The following EIF4G3 variants were observed in gnomAD, a reference collection of about 807,000 sequenced individuals.
EIF4G3 encodes eukaryotic translation initiation factor 4 gamma 3.
In EIF4G3, 34 loss-of-function variants were observed where a neutral mutation model predicts 186.4. The ratio of observed to expected loss-of-function variants is 0.18; its 90% CI spans 0.14 to 0.24. The LOEUF (loss-of-function observed/expected upper bound fraction) is 0.24, where lower values mean the gene tolerates loss of function less well. Ranked by LOEUF, EIF4G3 falls within the 10% of genes least tolerant of loss-of-function variation. The pLI, the probability that EIF4G3 is intolerant of heterozygous loss-of-function variation, is 1.00. For missense variants in EIF4G3, 1,536 were observed against 1,948.5 expected (o/e 0.79, Z 3.99); for synonymous variants, 673 against 679.5 (o/e 0.99, Z 0.15).
rs150743136 is a variant in EIF4G3 at position 21,133,385 on chromosome 1, C to T, written c.-272+42790G>A. On this transcript the variant is annotated intron_variant, in intron 2 of 36. Transcript: ENST00000602326. ...GACTACAGGCGTGTGCCACCACGCC[C>T]GGCTAATTTTTGTATTTTTTTAGTA... 5.2e-3 allele frequency among the ~76,000 whole-genome samples: 795 copies of T among 152,206 alleles called. 7 individuals carry two copies. Among genetic ancestry groups the T allele is most frequent in the African/African-American group, 0.018 (747 of 41,544 alleles).
intron 4 of EIF4G3, among the ~76,000 whole-genome samples, chr1:21,026,874 T>C (rs2092178932): frequency 6.7e-6 from 1 of 149,592 alleles, no homozygotes; most frequent in South Asian, 2.1e-4. Context: ...GAGGCGGAGG[T>C]TGCAGTGAGC....
At chr1:21,030,866 T>C (rs2092677600) in intron 4 of EIF4G3, among the ~76,000 whole-genome samples, 2 of 151,244 alleles carry the variant, frequency 1.3e-5, no homozygotes, top group Admixed American at 1.3e-4. Context: ...TATATACAGT[T>C]GCTATTGGGA....
intron 18 of EIF4G3, among the ~76,000 whole-genome samples, chr1:20,886,616 C>A (rs557207780): frequency 6.6e-6 from 1 of 152,248 alleles, no homozygotes; most frequent in South Asian, 2.1e-4. Flanking sequence ...TTTGACAAAG[C>A]CGTTACTTCT....
intron 2 of EIF4G3, among the ~76,000 whole-genome samples, chr1:21,115,718 G>A (rs1351683239): frequency 6.6e-6 from 1 of 152,042 alleles, no homozygotes. Flanking sequence ...TGTTGTTGTT[G>A]TTGTTGTTGT....
At chr1:20,935,427 A>C (rs1425697705) in intron 14 of EIF4G3, among the ~76,000 whole-genome samples, 2 of 152,238 alleles carry the variant, frequency 1.3e-5, no homozygotes, top group Non-Finnish European at 2.9e-5. Context: ...GAAGAAAAGA[A>C]ATATATTGAA....
intron 2 of EIF4G3, among the ~76,000 whole-genome samples, chr1:21,154,399 G>GT (rs2097601147): frequency 6.6e-6 from 1 of 152,140 alleles, no homozygotes; most frequent in Non-Finnish European, 1.5e-5. Context: ...AACCTTTTTT[G>GT]TGAGAGCCAG....
At chr1:21,172,831 C>T (rs1252530632) in intron 2 of EIF4G3, among the ~76,000 whole-genome samples, 1 of 151,076 alleles carries the variant, frequency 6.6e-6, no homozygotes, top group African/African-American at 2.4e-5. Flanking sequence ...TACAGGAATC[C>T]TCTCCATTGA....
At chr1:20,926,680 G>GAAAAAAAAAAAAAAA (rs376198678) in intron 14 of EIF4G3, among the ~76,000 whole-genome samples, 2 of 124,372 alleles carry the variant, frequency 1.6e-5, no homozygotes, top group Non-Finnish European at 1.7e-5. Context: ...AAAAAGAAAA[G>GAAAAAAAAAAAAAAA]AAAAAAAAAA....
At chr1:21,029,483 T>C (rs189853735) in intron 4 of EIF4G3, among the ~76,000 whole-genome samples, 1 of 151,506 alleles carries the variant, frequency 6.6e-6, no homozygotes, top group Admixed American at 6.6e-5. Context: ...GGAAGGGAAC[T>C]AGTGGGCCAG....
chr1:20,906,093 T>C (rs1216880817), intron 14 of EIF4G3, among the ~76,000 whole-genome samples: 1 of 152,232 alleles, frequency 6.6e-6, no homozygotes, highest in Non-Finnish European at 1.5e-5. Context: ...TCTTCTTTGT[T>C]ATACACATCT....
intron 6 of EIF4G3, chr1:20,999,290 C>T (rs1487545267): frequency 3.1e-6 from 1 of 322,724 alleles, no homozygotes; most frequent in Non-Finnish European, 6.2e-6. Flanking sequence ...AGAAAATTTT[C>T]TCTTCAAAGA....
chr1:20,829,513 G>GAACTATGTAC (rs906137074), intron 30 of EIF4G3, among the ~76,000 whole-genome samples: 1 of 152,060 alleles, frequency 6.6e-6, no homozygotes, highest in African/African-American at 2.4e-5. Context: ...TGAAGAACAT[G>GAACTATGTAC]AACTATGTAC....
At chr1:21,016,111 C>A (rs2088937627) in intron 4 of EIF4G3, among the ~76,000 whole-genome samples, 1 of 152,132 alleles carries the variant, frequency 6.6e-6, no homozygotes, top group African/African-American at 2.4e-5. Flanking sequence ...AGGGCACACA[C>A]TATATAAAGA....
At chr1:20,865,055 G>C in intron 21 of EIF4G3, 61 bp downstream of exon 21, 1 of 1,587,064 alleles carries the variant, frequency 6.3e-7, no homozygotes, top group Non-Finnish European at 8.6e-7. Context: ...CTAGCTTCCT[G>C]AAATTTCTAC....
rs7522934 is a variant in EIF4G3 at position 20,962,918 on chromosome 1, T to G, written c.714+6556A>C. On this transcript the variant is annotated intron_variant, in intron 12 of 36. Coordinates refer to ENST00000602326, the MANE Select transcript of EIF4G3 (RefSeq NM_001391906.1). ...GCCTCTTGTAGTTTTGTTTTTTTTTTGTTTTTTTTTTTTTTGAGAGACAAG... is the reference window on the plus strand; with the variant it reads ...GCCTCTTGTAGTTTTGTTTTTTTTTGGTTTTTTTTTTTTTTGAGAGACAAG... Among the ~76,000 whole-genome samples the G allele has an allele frequency of 9.6e-3, 1,349 of 140,310 alleles. 20 individuals are homozygous for G. The highest frequency in any genetic ancestry group is 0.025 in the East Asian group (124 of 5,002). 92.0% of individuals were successfully genotyped at this position (140,310 alleles called of 152,430 possible). A position where few individuals can be genotyped will look rare whatever the true frequency, so the allele number is the denominator to read the frequency against.
chr1:21,107,919 A>C (rs1281364065), intron 2 of EIF4G3, among the ~76,000 whole-genome samples: 1 of 152,252 alleles, frequency 6.6e-6, no homozygotes, highest in East Asian at 1.9e-4. Context: ...AGGCCAAGGC[A>C]GGAGGACTGC....
At chr1:21,069,564 C>T (rs1431148691) in intron 3 of EIF4G3, among the ~76,000 whole-genome samples, 2 of 152,234 alleles carry the variant, frequency 1.3e-5, no homozygotes, top group African/African-American at 4.8e-5. Context: ...CTTAAAAGCT[C>T]TGCAACATCT....
At chr1:21,075,681 A>G (rs2100573111) in intron 3 of EIF4G3, among the ~76,000 whole-genome samples, 1 of 151,146 alleles carries the variant, frequency 6.6e-6, no homozygotes, top group Admixed American at 6.6e-5. Flanking sequence ...TAGCTATACT[A>G]CTCCTGCCTT....
chr1:20,920,157 C>T (rs755267994), intron 14 of EIF4G3, among the ~76,000 whole-genome samples: 7 of 152,136 alleles, frequency 4.6e-5, no homozygotes, highest in Non-Finnish European at 8.8e-5. Context: ...CTGCCCGCCT[C>T]GACCTCCCAA....
Sources: allele counts gnomAD v4.1 joint callset (sites outside exome capture counted in the v4.1 genomes callset), GRCh38; gene constraint gnomAD v4.1.1; transcripts MANE v1.5; gene names NCBI Gene and HGNC (gene_info 2026-07-23, HGNC 2026-07-21).